The following KSR2 variants were observed in gnomAD, a reference collection of about 807,000 sequenced individuals.
KSR2 encodes kinase suppressor of ras 2.
Under a neutral mutation model 107.8 loss-of-function variants are expected in KSR2, and 25 were observed. That is an observed-to-expected ratio of 0.23 (90% CI 0.17 to 0.32). KSR2 has a LOEUF of 0.32. Ranked by LOEUF, KSR2 falls within the 10% of genes least tolerant of loss-of-function variation. The pLI is 1.00. For missense variants in KSR2, 887 were observed against 1,268.9 expected (o/e 0.70, Z 4.57); for synonymous variants, 480 against 507.0 (o/e 0.95, Z 0.71).
chr12:117,661,479 A>G (rs939773366), intron 5 of KSR2, among the ~76,000 whole-genome samples: 4 of 152,220 alleles, frequency 2.6e-5, no homozygotes, highest in African/African-American at 9.6e-5. Context: ...ATGCAGGAAA[A>G]TGTTAAAAAC....
intron 5 of KSR2, among the ~76,000 whole-genome samples, chr12:117,606,471 C>CCCTCCCTCCTCTCCTTCCTT (rs1565922957): frequency 2.9e-4 from 9 of 31,270 alleles, no homozygotes; most frequent in African/African-American, 1.1e-3. Context: ...CCTCCTTCCT[C>CCCTCCCTCCTCTCCTTCCTT]CCTCCCTCCT....
At chr12:117,630,138 A>C (rs1882735003) in intron 5 of KSR2, among the ~76,000 whole-genome samples, 2 of 152,206 alleles carry the variant, frequency 1.3e-5, no homozygotes, top group Non-Finnish European at 2.9e-5. Flanking sequence ...CAGGTGTTGC[A>C]CATGCCTAAT....
chr12:117,478,937 T>A (rs1871975889), intron 16 of KSR2, among the ~76,000 whole-genome samples: 1 of 152,172 alleles, frequency 6.6e-6, no homozygotes, highest in South Asian at 2.1e-4. Context: ...CTAATACACA[T>A]TAAAATTAAG....
intron 16 of KSR2, among the ~76,000 whole-genome samples, chr12:117,481,407 A>T (rs745764927): frequency 2.6e-5 from 4 of 152,334 alleles, no homozygotes; most frequent in Admixed American, 6.5e-5. Context: ...TGGTGTTCTT[A>T]TAAGAAGAGG....
intron 4 of KSR2, among the ~76,000 whole-genome samples, chr12:117,696,367 G>C (rs1886059535): frequency 1.3e-5 from 2 of 152,196 alleles, no homozygotes; most frequent in African/African-American, 4.8e-5. Context: ...GGCAGTAAGT[G>C]TCCTAAGATA....
intron 5 of KSR2, among the ~76,000 whole-genome samples, chr12:117,584,434 C>A (rs780177272): frequency 6.6e-6 from 1 of 152,052 alleles, no homozygotes; most frequent in African/African-American, 2.4e-5. Flanking sequence ...GAAGGGTTAG[C>A]GTCCTCACAA....
chr12:117,482,042 C>A (rs1872204074), intron 16 of KSR2, among the ~76,000 whole-genome samples: 1 of 152,128 alleles, frequency 6.6e-6, no homozygotes, highest in Admixed American at 6.5e-5. Flanking sequence ...ATTCATGGGA[C>A]ACCCCAGAGT....
At position 117,454,415 on chromosome 12, in the gene KSR2, T is replaced by C. The variant is rs1870494912; in HGVS notation, c.*12784A>G. 6.6e-6 allele frequency: 1 copy of C among 152,234 alleles called. No homozygotes were observed. Among genetic ancestry groups the C allele is most frequent in the South Asian group, 2.1e-4 (1 of 4,830 alleles). The allele number at this position is 152,234 out of a possible 1,614,324, so 9.4% of individuals were successfully genotyped here. ...CTCGCTAATTTGCAGTAGCCACATA[T>C]ACCCTGGGAGTCTGGCGGTCAGCAA... On this transcript the variant is annotated 3_prime_UTR_variant, in exon 20 of 20. Transcript: ENST00000339824.
chr12:117,938,552 T>TATA (rs1250550859), intron 1 of KSR2, among the ~76,000 whole-genome samples: 1 of 121,488 alleles, frequency 8.2e-6, no homozygotes. Context: ...AAACTTAAAG[T>TATA]ATAATAATAA....
chr12:117,731,339 C>T (rs1286915581), intron 4 of KSR2, among the ~76,000 whole-genome samples: 1 of 134,376 alleles, frequency 7.4e-6, no homozygotes, highest in Non-Finnish European at 1.6e-5. Flanking sequence ...AAGTGAGGAG[C>T]CCCCCCGCCC....
At chr12:117,955,848 CAG>C (rs2086733591) in intron 1 of KSR2, among the ~76,000 whole-genome samples, 1 of 100,294 alleles carries the variant, frequency 1.0e-5, no homozygotes, top group African/African-American at 2.9e-5. Flanking sequence ...CTAGTAGCCT[CAG>C]GGGGTAAAAA....
At chr12:117,476,335 AC>A in intron 17 of KSR2, 128 bp downstream of exon 17, 3 of 1,157,784 alleles carry the variant, frequency 2.6e-6, no homozygotes, top group Non-Finnish European at 3.5e-6. Context: ...CTCCATTCTC[AC>A]CCAAAAATCC....
At chr12:117,622,253 A>C (rs1290662094) in intron 5 of KSR2, among the ~76,000 whole-genome samples, 1 of 152,098 alleles carries the variant, frequency 6.6e-6, no homozygotes, top group Non-Finnish European at 1.5e-5. Context: ...AGGATTTGGA[A>C]TGTGATTCAC....
chr12:117,672,705 A>T (rs1884962094), intron 4 of KSR2, among the ~76,000 whole-genome samples: 2 of 151,804 alleles, frequency 1.3e-5, no homozygotes. Context: ...GCCCACCACA[A>T]CCTCTGCCTC....
chr12:117,902,881 A>G (rs1025151692), intron 1 of KSR2, among the ~76,000 whole-genome samples: 1 of 152,374 alleles, frequency 6.6e-6, no homozygotes, highest in East Asian at 1.9e-4. Flanking sequence ...GAGTCAGATC[A>G]CCTGGATGTG....
chr12:117,669,552 T>C (rs529278888), intron 4 of KSR2, among the ~76,000 whole-genome samples: 2 of 146,986 alleles, frequency 1.4e-5, no homozygotes, highest in Admixed American at 1.4e-4. Context: ...TTGGGTTAAG[T>C]AAAATACATT....
chr12:117,717,459 C>T (rs1593163128), intron 4 of KSR2, among the ~76,000 whole-genome samples: 2 of 152,224 alleles, frequency 1.3e-5, no homozygotes, highest in Middle Eastern at 6.8e-3. Flanking sequence ...GTCAAGGCTG[C>T]AGTGAGCCGA....
chr12:117,878,475 G>C (rs1023004020), intron 1 of KSR2, among the ~76,000 whole-genome samples: 2 of 152,176 alleles, frequency 1.3e-5, no homozygotes, highest in Non-Finnish European at 2.9e-5. Flanking sequence ...AGATGATGTT[G>C]TTAAAAATAA....
chr12:117,869,772 G>T (rs534778333), intron 1 of KSR2, among the ~76,000 whole-genome samples: 2 of 152,302 alleles, frequency 1.3e-5, no homozygotes, highest in South Asian at 4.1e-4. Flanking sequence ...GCAGTTCTGT[G>T]ATGTCTGCTG....
Sources: gnomAD v4.1 joint callset for allele counts (sites outside exome capture counted in the v4.1 genomes callset) on GRCh38, gnomAD v4.1.1 for gene constraint, MANE v1.5 for transcripts, NCBI Gene and HGNC (gene_info 2026-07-23, HGNC 2026-07-21) for gene names.